ZNF365: variants seen among roughly 807,000 people sequenced by gnomAD.
ZNF365 encodes zinc finger protein 365, also known as protein ZNF365.
Under a neutral mutation model 35.0 loss-of-function variants are expected in ZNF365, and 22 were observed. The observed-to-expected ratio is 0.63, with a 90% CI of 0.45 to 0.90. The LOEUF (loss-of-function observed/expected upper bound fraction) is 0.90. Ranked by LOEUF, ZNF365 falls within the 40% of genes least tolerant of loss-of-function variation. ZNF365 has a pLI of 0.00. For synonymous variants in ZNF365, 188 were observed against 196.2 expected (o/e 0.96, Z 0.35); for missense variants, 448 against 500.3 (o/e 0.90, Z 1.00).
chr10:62,469,296 T>C (rs1840995094), intron 4 of ZNF365, among the ~76,000 whole-genome samples: 3 of 152,224 alleles, frequency 2.0e-5, no homozygotes, highest in Non-Finnish European at 4.4e-5. Flanking sequence ...ACAAGGGCAA[T>C]TTTGTGAGAA....
chr10:62,417,310 C>T (rs1009388742), intron 3 of ZNF365, among the ~76,000 whole-genome samples: 1 of 152,096 alleles, frequency 6.6e-6, no homozygotes, highest in African/African-American at 2.4e-5. Context: ...TGTGCCCTAG[C>T]AGTCATTTTT....
At chr10:62,430,413 C>T (rs920821956) in intron 3 of ZNF365, among the ~76,000 whole-genome samples, 6 of 152,096 alleles carry the variant, frequency 3.9e-5, no homozygotes, top group African/African-American at 1.2e-4. Context: ...ATCTCCTGAC[C>T]TCGTGATCCA....
chr10:62,470,982 G>T (rs1249622546), intron 4 of ZNF365, among the ~76,000 whole-genome samples: 1 of 144,056 alleles, frequency 6.9e-6, no homozygotes, highest in Non-Finnish European at 1.5e-5. Context: ...AACTTGGATT[G>T]TTCATGCATT....
chr10:62,402,480 GT>G (rs1297329528), downstream of ZNF365: 6 of 984,632 alleles, frequency 6.1e-6, no homozygotes, highest in South Asian at 2.3e-4. Context: ...TAGTTGGAGT[GT>G]TTTTTGGGGA....
chr10:62,393,382 G>A (rs1564571743), intron 3 of ZNF365, among the ~76,000 whole-genome samples: 1 of 152,142 alleles, frequency 6.6e-6, no homozygotes, highest in Non-Finnish European at 1.5e-5. Context: ...TATGTGACTG[G>A]CAGCACAGTA....
intron 2 of ZNF365, among the ~76,000 whole-genome samples, chr10:62,384,707 G>A (rs1839497003): frequency 6.6e-6 from 1 of 152,204 alleles, no homozygotes; most frequent in Non-Finnish European, 1.5e-5. Flanking sequence ...TTGCTTTGAT[G>A]CTGTGCCAAA....
intron 2 of ZNF365, among the ~76,000 whole-genome samples, chr10:62,384,208 T>C (rs1396866963): frequency 1.3e-5 from 2 of 152,146 alleles, no homozygotes; most frequent in East Asian, 1.9e-4. Context: ...CACACCCTGA[T>C]TGAGTTTCAC....
At position 62,402,359 on chromosome 10, in the gene ZNF365, C is replaced by T. The variant is rs1430782692; in HGVS notation, c.*2570C>T. On this transcript the variant is annotated 3_prime_UTR_variant, in exon 5 of 5. Transcript: ENST00000395254. ...TTTTCCAGTATTCTGCAGGGCCAGT[C>T]AGTTGTACAGAAGTTGGAATATTCT... is the stretch of plus-strand genomic sequence containing the variant. 2 of 985,344 alleles carry T rather than the reference C, an allele frequency of 2.0e-6. No homozygotes were observed. The highest frequency in any genetic ancestry group is 3.5e-5 in the African/African-American group (2 of 57,194). 61.0% of individuals were successfully genotyped at this position (985,344 alleles called of 1,614,324 possible). A position where few individuals can be genotyped will look rare whatever the true frequency, so the allele number is the denominator to read the frequency against.
intron 3 of ZNF365, among the ~76,000 whole-genome samples, chr10:62,442,504 C>T (rs1016510664): frequency 9.8e-5 from 15 of 152,286 alleles, no homozygotes; most frequent in Middle Eastern, 6.8e-3. Context: ...CACAGGCTTA[C>T]GTTACAATTG....
intron 2 of ZNF365, among the ~76,000 whole-genome samples, chr10:62,385,351 G>A (rs184138690): frequency 3.5e-4 from 54 of 152,124 alleles, no homozygotes; most frequent in Admixed American, 1.6e-3. Flanking sequence ...TTCCAGGAGC[G>A]TATTAAAATT....
At chr10:62,444,123 T>A (rs1840546040) in intron 3 of ZNF365, among the ~76,000 whole-genome samples, 1 of 152,184 alleles carries the variant, frequency 6.6e-6, no homozygotes, top group Non-Finnish European at 1.5e-5. Context: ...AGCCATTTCC[T>A]CTCACTCCAG....
intron 3 of ZNF365, among the ~76,000 whole-genome samples, chr10:62,412,162 A>G (rs2393877): frequency 0.56 from 84,968 of 151,822 alleles, 25,339 homozygotes; most frequent in East Asian, 0.76. Flanking sequence ...AATTCATTAC[A>G]TAGGCAGAAC....
At chr10:62,381,728 C>A (rs1352581087) in intron 2 of ZNF365, among the ~76,000 whole-genome samples, 1 of 152,188 alleles carries the variant, frequency 6.6e-6, no homozygotes, top group Non-Finnish European at 1.5e-5. Context: ...TTTCACTTGA[C>A]TCTCAGATGT....
At chr10:62,392,419 G>A (rs1040169255) in intron 3 of ZNF365, among the ~76,000 whole-genome samples, 1 of 152,152 alleles carries the variant, frequency 6.6e-6, no homozygotes, top group Non-Finnish European at 1.5e-5. Flanking sequence ...TTTAGTATAA[G>A]GTGAGAGATG....
At position 62,398,721 on chromosome 10, in the gene ZNF365, CTTA is replaced by C; in HGVS notation, c.925-16_925-14del. On this transcript the variant is annotated splice_polypyrimidine_tract_variant and intron_variant, in intron 3 of 4. Coordinates refer to ENST00000395254, the MANE Select transcript of ZNF365 (RefSeq NM_014951.3). ...TCCTCAAATGCAGTTAACATTTTTT[CTTA>C]TTTGTTTTCCTTCAGCTTACAGACA... is the stretch of plus-strand genomic sequence containing the variant. The C allele has an allele frequency of 6.2e-7, 1 of 1,608,406 alleles. No homozygotes were observed. Among genetic ancestry groups the C allele is most frequent in the Non-Finnish European group, 8.5e-7 (1 of 1,177,654 alleles).
intron 4 of ZNF365, 22 bp downstream of exon 4, chr10:62,398,799 T>C: frequency 3.7e-6 from 6 of 1,604,620 alleles, no homozygotes; most frequent in Non-Finnish European, 4.3e-6. Flanking sequence ...TTTTTATACT[T>C]GGGCCATTTG....
intron 3 of ZNF365, among the ~76,000 whole-genome samples, chr10:62,425,067 T>G (rs995952096): frequency 6.6e-6 from 1 of 152,192 alleles, no homozygotes; most frequent in Non-Finnish European, 1.5e-5. Flanking sequence ...GTTTTTCATT[T>G]CAAGAGTCCC....
At chr10:62,408,716 C>T (rs1456863490) in intron 3 of ZNF365, among the ~76,000 whole-genome samples, 1 of 152,030 alleles carries the variant, frequency 6.6e-6, no homozygotes, top group Non-Finnish European at 1.5e-5. Context: ...GATTCCCCTC[C>T]CAAGTTATGA....
rs1839812955 is a variant in ZNF365 at position 62,400,665 on chromosome 10, G to A, written c.*876G>A. ...TGCATCGTGCATCGTGACCATCCTG[G>A]AAGCACTGCGGGTGTCGCCAAGCCC... On this transcript the variant is annotated 3_prime_UTR_variant, in exon 5 of 5. Transcript: ENST00000395254. The A allele has an allele frequency of 1.0e-6, 1 of 985,724 alleles. No homozygotes were observed. The highest frequency in any genetic ancestry group is 1.2e-6 in the Non-Finnish European group (1 of 830,020). 61.1% of individuals were successfully genotyped at this position (985,724 alleles called of 1,614,324 possible).
Sources: allele counts gnomAD v4.1 joint callset (sites outside exome capture counted in the v4.1 genomes callset), GRCh38; gene constraint gnomAD v4.1.1; transcripts MANE v1.5; gene names NCBI Gene and HGNC (gene_info 2026-07-23, HGNC 2026-07-21).